Variants in USP28 observed in about 807,000 individuals in gnomAD.
USP28 encodes ubiquitin specific peptidase 28, also known as ubiquitin carboxyl-terminal hydrolase 28.
In USP28, 113 loss-of-function variants were observed where a neutral mutation model predicts 145.0. That is an observed-to-expected ratio of 0.78 (90% confidence interval 0.67 to 0.91). USP28 has a LOEUF of 0.91. Ranked by LOEUF, USP28 falls within the 40% of genes least tolerant of loss-of-function variation. USP28 has a pLI of 0.00. For missense variants in USP28, 1,201 were observed against 1,289.6 expected, an observed-to-expected ratio of 0.93 and a Z score of 1.05; for synonymous variants, 447 against 450.9, an observed-to-expected ratio of 0.99 and a Z score of 0.11.
exon 25 of USP28, chr11:113,799,243 T>G: frequency 6.2e-7 from 1 of 1,612,428 alleles, no homozygotes; most frequent in Non-Finnish European, 8.5e-7. Flanking sequence ...TGGGAGCTTA[T>G]TTCACTGTCA....
chr11:113,851,961 A>C (rs1946504486), intron 3 of USP28, among the ~76,000 whole-genome samples: 1 of 152,216 alleles, frequency 6.6e-6, no homozygotes, highest in Non-Finnish European at 1.5e-5. Context: ...CAGGGCTTCA[A>C]GAGTGCTTGG....
chr11:113,808,411 C>T (rs1940394534), exon 18 of USP28: 11 of 1,613,862 alleles, frequency 6.8e-6, no homozygotes, highest in Non-Finnish European at 9.3e-6. Context: ...AAGCAGCGAA[C>T]CCCATGAGAA....
exon 16 of USP28, chr11:113,812,327 T>C: frequency 5.0e-6 from 8 of 1,614,156 alleles, no homozygotes; most frequent in Non-Finnish European, 6.8e-6. Flanking sequence ...CAGTAAGCAC[T>C]AACATTTCTC....
chr11:113,825,465 T>C (rs2135784801), intron 11 of USP28, among the ~76,000 whole-genome samples: 1 of 152,336 alleles, frequency 6.6e-6, no homozygotes, highest in South Asian at 2.1e-4. Context: ...ATGTTAAATA[T>C]ACACTTTTCA....
rs113374291 is a variant in USP28 at position 113,809,013 on chromosome 11, T to A, written c.2164+50A>T. ...AAGGGTATAGGGCTGGCTAGGGGAGTACAGCATGAGATGTTACTGGATCAC... is the reference window on the plus strand; with the variant it reads ...AAGGGTATAGGGCTGGCTAGGGGAGAACAGCATGAGATGTTACTGGATCAC... On this transcript the variant is annotated intron_variant, in intron 17 of 24. Coordinates refer to ENST00000003302, the Ensembl canonical transcript of USP28. The A allele has an allele frequency of 2.7e-3, 4,200 of 1,576,456 alleles. 98 individuals are homozygous for A. The African/African-American group carries it at 0.05, about 19-fold the overall frequency.
Position 113,808,148 on chromosome 11 carries a change from G to A in USP28, c.2304+150C>T. On this transcript the variant is annotated intron_variant, in intron 18 of 24. Coordinates refer to ENST00000003302, the Ensembl canonical transcript of USP28. ...TCAGCTTCTTTAAGCTGTGGCAGCA[G>A]AGTGGGGAGAAAGAGTAAGAAAAAA... 1 of 1,517,318 alleles carries A rather than the reference G, an allele frequency of 6.6e-7. No homozygotes were observed. The highest frequency in any genetic ancestry group is 8.8e-7 in the Non-Finnish European group (1 of 1,140,726). The allele number at this position is 1,517,318 out of a possible 1,614,324, so 94.0% of individuals were successfully genotyped here.
rs202038434 is a variant in USP28 at position 113,826,997 on chromosome 11, AC to A, written c.1187+235del. ...CACCCCCAGAATTCAGGTAGTTCCT[AC>A]CCCCAAAAGGAGGAGGGCTTTCACC... On this transcript the variant is annotated intron_variant, in intron 11 of 24. Transcript: ENST00000003302. 9.7e-4 allele frequency among the ~76,000 whole-genome samples: 147 copies of A among 151,674 alleles called. No homozygotes were observed. In the East Asian group the frequency reaches 0.022, roughly 22 times the overall value.
At chr11:113,859,245 G>A (rs1264909824) in intron 1 of USP28, 1 of 152,066 alleles carries the variant, frequency 6.6e-6, no homozygotes, top group African/African-American at 2.4e-5. Flanking sequence ...CATTGCACAC[G>A]TTAGGAAATT....
At chr11:113,861,122 TC>T (rs1360748063) in intron 1 of USP28, among the ~76,000 whole-genome samples, 3 of 132,934 alleles carry the variant, frequency 2.3e-5, no homozygotes, top group Admixed American at 1.6e-4. Context: ...AGACTACACC[TC>T]AAAAAAAAAA....
intron 11 of USP28, 146 bp from the exon 12 acceptor site, chr11:113,823,846 A>C: frequency 1.8e-6 from 1 of 543,696 alleles, no homozygotes; most frequent in Non-Finnish European, 3.0e-6. Context: ...CTCAAGGTTA[A>C]AACTGATGCA....
At chr11:113,864,162 A>G (rs1451988730) in intron 1 of USP28, among the ~76,000 whole-genome samples, 2 of 151,078 alleles carry the variant, frequency 1.3e-5, no homozygotes, top group African/African-American at 4.9e-5. Flanking sequence ...AATCCCTTGA[A>G]CTCCAGAGGT....
At position 113,807,770 on chromosome 11, in the gene USP28, C is replaced by T. The variant is rs985802443; in HGVS notation, c.2304+528G>A. 2.0e-5 allele frequency among the ~76,000 whole-genome samples: 3 copies of T among 152,024 alleles called. No individual in the cohort carries two copies. In the East Asian group the frequency reaches 5.8e-4, roughly 29 times the overall value. ...ATATACATATGCTGGGAGCGCTATACAATAGAAACATGGCTATCTTTTAAA... is the reference window on the plus strand; with the variant it reads ...ATATACATATGCTGGGAGCGCTATATAATAGAAACATGGCTATCTTTTAAA... On this transcript the variant is annotated intron_variant, in intron 18 of 24. Transcript: ENST00000003302.
At chr11:113,827,007 G>A (rs1180773460) in intron 11 of USP28, among the ~76,000 whole-genome samples, 3 of 151,324 alleles carry the variant, frequency 2.0e-5, no homozygotes, top group African/African-American at 7.3e-5. Flanking sequence ...ACCCCCAAAA[G>A]GAGGAGGGCT....
At chr11:113,815,152 G>A (rs1323926399) in intron 14 of USP28, 22 bp downstream of exon 14, 1 of 1,605,562 alleles carries the variant, frequency 6.2e-7, no homozygotes, top group East Asian at 2.2e-5. Flanking sequence ...AAGAGTAACT[G>A]ACAAATTTTA....
intron 20 of USP28, 30 bp from the exon 22 acceptor site, chr11:113,804,781 A>C (rs1939647012): frequency 6.2e-7 from 1 of 1,612,164 alleles, no homozygotes; most frequent in Non-Finnish European, 8.5e-7. Flanking sequence ...GAAAGCAATG[A>C]AAAGGCACAG....
intron 3 of USP28, among the ~76,000 whole-genome samples, chr11:113,842,682 G>GA (rs1166548350): frequency 6.7e-6 from 1 of 149,318 alleles, no homozygotes; most frequent in Admixed American, 6.7e-5. Context: ...ACAGTTAAAA[G>GA]AAAAAAATGA....
At chr11:113,868,196 A>G (rs1202347755) in intron 1 of USP28, among the ~76,000 whole-genome samples, 2 of 152,244 alleles carry the variant, frequency 1.3e-5, no homozygotes, top group African/African-American at 4.8e-5. Flanking sequence ...GAAGTACTGC[A>G]AATAAATTGT....
intron 3 of USP28, among the ~76,000 whole-genome samples, chr11:113,851,946 G>A (rs1946500326): frequency 1.3e-5 from 2 of 152,080 alleles, no homozygotes; most frequent in South Asian, 4.1e-4. Context: ...CAAGCTAAAT[G>A]CAGGCAGGGC....
exon 20 of USP28, chr11:113,805,009 G>A: frequency 1.2e-6 from 2 of 1,614,048 alleles, no homozygotes; most frequent in Non-Finnish European, 1.7e-6. Flanking sequence ...GGTCTCTTTG[G>A]CAAGCTGATA....
Sources: allele counts gnomAD v4.1 joint callset (sites outside exome capture counted in the v4.1 genomes callset), GRCh38; gene constraint gnomAD v4.1.1; transcripts MANE v1.5; gene names NCBI Gene and HGNC (gene_info 2026-07-23, HGNC 2026-07-21).